Variants in ZNF385D observed in about 807,000 individuals in gnomAD.
The protein encoded by ZNF385D is zinc finger protein 385D.
A neutral mutation model predicts 35.8 loss-of-function variants in ZNF385D; 15 were observed. That is an observed-to-expected ratio of 0.42 (90% confidence interval 0.28 to 0.64). The LOEUF (loss-of-function observed/expected upper bound fraction) is 0.64, where lower values mean the gene tolerates loss of function less well. Among genes scored for constraint, ZNF385D ranks in the 30% least tolerant of loss-of-function variants. ZNF385D has a pLI of 0.23. For missense variants in ZNF385D, 474 were observed against 494.6 expected, an observed-to-expected ratio of 0.96 and a Z score of 0.39; for synonymous variants, 212 against 186.8, an observed-to-expected ratio of 1.13 and a Z score of -1.10.
At chr3:22,212,462 T>C (rs897640248) in intron 2 of ZNF385D, among the ~76,000 whole-genome samples, 9 of 152,044 alleles carry the variant, frequency 5.9e-5, no homozygotes, top group African/African-American at 2.2e-4. Context: ...TGTTACAAAG[T>C]AATACATTGT....
chr3:21,627,847 G>C (rs1173768903), intron 2 of ZNF385D, among the ~76,000 whole-genome samples: 1 of 152,080 alleles, frequency 6.6e-6, no homozygotes, highest in Non-Finnish European at 1.5e-5. Context: ...GGTCATCTAA[G>C]TGCCTTTGAA....
rs376294007 is a variant in ZNF385D at position 21,728,967 on chromosome 3, C to T, written c.22+21928G>A. On this transcript the variant is annotated intron_variant, in intron 1 of 7. Coordinates refer to ENST00000281523, the MANE Select transcript of ZNF385D (RefSeq NM_024697.3). ...ACTGATTCACCTCTAGTGTCTGGAA[C>T]AGTGTTTGGAGCATGGCAGAATTCA... is the stretch of plus-strand genomic sequence containing the variant. Among the ~76,000 whole-genome samples, 39 of 152,324 alleles carry T rather than the reference C, an allele frequency of 2.6e-4. 2 individuals are homozygous for T. In the South Asian group the frequency reaches 7.7e-3, roughly 30 times the overall value.
At chr3:21,801,403 T>G (rs1446911465) in intron 3 of ZNF385D, among the ~76,000 whole-genome samples, 1 of 152,206 alleles carries the variant, frequency 6.6e-6, no homozygotes, top group Non-Finnish European at 1.5e-5. Flanking sequence ...AAGTGTTAAT[T>G]ATTCTTTTAA....
Position 21,809,681 on chromosome 3 carries a change from T to C in ZNF385D, c.326-144653A>G, listed in dbSNP as rs1015346103. ...ACATATATACACATATATACACACA[T>C]ATATACCTATATACATATATACACA... On this transcript the variant is annotated intron_variant, in intron 3 of 5. Coordinates refer to the ZNF385D transcript ENST00000494108. 2.0e-4 allele frequency among the ~76,000 whole-genome samples: 30 copies of C among 150,786 alleles called. 1 individual carries two copies. The East Asian group carries it at 5.8e-3, about 29-fold the overall frequency.
intron 2 of ZNF385D, among the ~76,000 whole-genome samples, chr3:21,652,174 A>G (rs887745743): frequency 9.8e-5 from 15 of 152,362 alleles, no homozygotes; most frequent in African/African-American, 3.6e-4. Flanking sequence ...ATCTATCTTC[A>G]TAAACACATT....
chr3:21,610,224 T>A (rs1300470466), intron 2 of ZNF385D, among the ~76,000 whole-genome samples: 5 of 152,142 alleles, frequency 3.3e-5, no homozygotes, highest in Non-Finnish European at 7.3e-5. Flanking sequence ...GAGCTTCTAT[T>A]ACAACAAAGG....
At chr3:21,820,665 A>C (rs2073358201) in intron 3 of ZNF385D, among the ~76,000 whole-genome samples, 1 of 151,762 alleles carries the variant, frequency 6.6e-6, no homozygotes, top group African/African-American at 2.4e-5. Flanking sequence ...GAGACTAATA[A>C]ATTTTAAAAA....
intron 3 of ZNF385D, among the ~76,000 whole-genome samples, chr3:21,771,740 T>C (rs1016322629): frequency 2.0e-5 from 3 of 151,698 alleles, no homozygotes; most frequent in African/African-American, 7.2e-5. Context: ...GGGGAAGCAA[T>C]GGTTAATAAA....
At chr3:21,884,795 C>G (rs259563) in intron 3 of ZNF385D, among the ~76,000 whole-genome samples, 87,226 of 151,770 alleles carry the variant, frequency 0.57, 25,260 homozygotes, top group South Asian at 0.71. Context: ...GACCATATGG[C>G]AATATTTACA....
chr3:21,934,042 G>T (rs1352055410), intron 3 of ZNF385D, among the ~76,000 whole-genome samples: 1 of 151,890 alleles, frequency 6.6e-6, no homozygotes, highest in Non-Finnish European at 1.5e-5. Context: ...AAAAAAAAGT[G>T]CTGAAAAATG....
At chr3:21,885,342 T>A (rs555686636) in intron 3 of ZNF385D, among the ~76,000 whole-genome samples, 1 of 152,184 alleles carries the variant, frequency 6.6e-6, no homozygotes, top group African/African-American at 2.4e-5. Context: ...TTATTCACAA[T>A]AAATTCTTTG....
chr3:21,662,889 G>C (rs1437929300), intron 2 of ZNF385D, among the ~76,000 whole-genome samples: 2 of 152,290 alleles, frequency 1.3e-5, no homozygotes, highest in Non-Finnish European at 2.9e-5. Flanking sequence ...CACTTAAATA[G>C]TGCTTGTTAT....
chr3:21,480,725 G>T (rs1388344110), intron 4 of ZNF385D, among the ~76,000 whole-genome samples: 1 of 152,156 alleles, frequency 6.6e-6, no homozygotes, highest in South Asian at 2.1e-4. Flanking sequence ...TGTAAGCTCA[G>T]TCCATGAATA....
chr3:21,724,758 A>G (rs1015538195), intron 1 of ZNF385D, among the ~76,000 whole-genome samples: 3 of 152,114 alleles, frequency 2.0e-5, no homozygotes, highest in Non-Finnish European at 4.4e-5. Context: ...CCCACTGTCA[A>G]TATTAGACAG....
intron 3 of ZNF385D, among the ~76,000 whole-genome samples, chr3:21,940,512 A>G (rs11717781): frequency 0.54 from 81,966 of 152,120 alleles, 24,010 homozygotes; most frequent in South Asian, 0.66. Context: ...ATTCAAGTCA[A>G]CAAAGTTTAT....
chr3:21,767,986 T>C (rs945030416), intron 3 of ZNF385D, among the ~76,000 whole-genome samples: 67 of 152,074 alleles, frequency 4.4e-4, no homozygotes, highest in African/African-American at 1.3e-3. Context: ...TCCTAATTTG[T>C]TGTAATTATT....
intron 2 of ZNF385D, among the ~76,000 whole-genome samples, chr3:21,602,052 C>T (rs1018738421): frequency 6.6e-6 from 1 of 152,182 alleles, no homozygotes; most frequent in Non-Finnish European, 1.5e-5. Context: ...GCTAGGGAGG[C>T]CTCACAATCA....
intron 1 of ZNF385D, among the ~76,000 whole-genome samples, chr3:21,686,836 A>G (rs537632083): frequency 1.2e-4 from 19 of 152,366 alleles, no homozygotes; most frequent in African/African-American, 4.3e-4. Context: ...AACACATTTT[A>G]TCCACAACTG....
At chr3:21,961,921 G>A (rs1328228547) in intron 3 of ZNF385D, among the ~76,000 whole-genome samples, 2 of 152,058 alleles carry the variant, frequency 1.3e-5, no homozygotes, top group African/African-American at 4.8e-5. Flanking sequence ...AAAAGGAAAA[G>A]AATTAAGGAG....
Sources: gnomAD v4.1 joint callset for allele counts (sites outside exome capture counted in the v4.1 genomes callset) on GRCh38, gnomAD v4.1.1 for gene constraint, MANE v1.5 for transcripts, NCBI Gene and HGNC (gene_info 2026-07-23, HGNC 2026-07-21) for gene names.